CCDC198: variants seen among roughly 807,000 people sequenced by gnomAD.
CCDC198 encodes the protein factor associated with metabolism and energy.
Under a neutral mutation model 35.6 loss-of-function variants are expected in CCDC198, and 18 were observed. The ratio of observed to expected loss-of-function variants is 0.51; its 90% confidence interval spans 0.35 to 0.75. The LOEUF (loss-of-function observed/expected upper bound fraction) is 0.75, where lower values mean the gene tolerates loss of function less well. Ranked by LOEUF, CCDC198 falls within the 30% of genes least tolerant of loss-of-function variation. The pLI is 0.01. For synonymous variants in CCDC198, 119 were observed against 113.4 expected, an observed-to-expected ratio of 1.05 and a Z score of -0.31; for missense variants, 365 against 343.7, an observed-to-expected ratio of 1.06 and a Z score of -0.49.
chr14:57,489,703 T>C (rs2067496126), intron 2 of CCDC198, among the ~76,000 whole-genome samples: 1 of 152,122 alleles, frequency 6.6e-6, no homozygotes, highest in Non-Finnish European at 1.5e-5. Flanking sequence ...AATCAAAACC[T>C]AACCTCCTTT....
At chr14:57,485,561 A>G (rs897834632) in intron 2 of CCDC198, among the ~76,000 whole-genome samples, 3 of 152,308 alleles carry the variant, frequency 2.0e-5, no homozygotes. Context: ...ATAAAAAGAG[A>G]GAGTGGAACC....
At chr14:57,475,661 C>T (rs758626285) in intron 5 of CCDC198, 3 of 402,340 alleles carry the variant, frequency 7.5e-6, no homozygotes, top group South Asian at 3.5e-5. Context: ...GAGCCGAGAT[C>T]ATGCCATTGC....
intron 5 of CCDC198, among the ~76,000 whole-genome samples, chr14:57,473,569 T>G (rs2139461867): frequency 6.6e-6 from 1 of 152,342 alleles, no homozygotes; most frequent in African/African-American, 2.4e-5. Context: ...CATATCTGGC[T>G]GCTTCTCTCC....
In CCDC198 at chr14:57,471,184, A is replaced by C. The variant is rs2066807802; in HGVS notation, c.*171T>G. On this transcript the variant is annotated 3_prime_UTR_variant, in exon 6 of 6. Transcript: ENST00000216445. ...TTTTGAGGCATTTAGTTATGCAGCA[A>C]TAGTTAACAGCACATGTGACGGACT... 1 of 555,932 alleles carries C rather than the reference A, an allele frequency of 1.8e-6. No individual in the cohort carries two copies. The highest frequency in any genetic ancestry group is 3.1e-6 in the Non-Finnish European group (1 of 318,366). The allele number at this position is 555,932 out of a possible 1,614,324, so 34.4% of individuals were successfully genotyped here. A position where few individuals can be genotyped will look rare whatever the true frequency, so the allele number is the denominator to read the frequency against.
Position 57,493,684 on chromosome 14 carries a change from C to T in CCDC198, c.32G>A (p.Arg11Lys). 6.2e-7 allele frequency: 1 copy of T among 1,613,626 alleles called. No individual in the cohort carries two copies. Among genetic ancestry groups the T allele is most frequent in the Non-Finnish European group, 8.5e-7 (1 of 1,179,796 alleles). ...TTGCAAAGGTGCTACTTTGATCACC[C>T]TAAGGTGAGTCTTAGAGTGACTCAG... MGLSHSKTHL[R>K]VIKVAPLQNK... Residue 11 changes from arginine to lysine, a missense_variant, in exon 1 of 6, where the codon AGG (arginine) becomes AAG (lysine). Physicochemically the swap from Arg to Lys is conservative, Grantham distance 26. Transcript: ENST00000216445.
At chr14:57,481,447 G>A (rs1011927228) in intron 4 of CCDC198, 112 bp downstream of exon 4, 23 of 714,538 alleles carry the variant, frequency 3.2e-5, no homozygotes, top group South Asian at 2.2e-4. Context: ...CCTCAATGAC[G>A]AAATTTAAAA....
chr14:57,479,120 T>A, intron 5 of CCDC198: 2 of 969,706 alleles, frequency 2.1e-6, no homozygotes, highest in East Asian at 6.1e-5. Context: ...TTAGAAAGCA[T>A]AGAGCGATCT....
chr14:57,481,528 T>C, intron 4 of CCDC198, 31 bp downstream of exon 4: 1 of 1,461,080 alleles, frequency 6.8e-7, no homozygotes, highest in Non-Finnish European at 9.6e-7. Flanking sequence ...TGATGAAAAT[T>C]TGGTAAATAT....
intron 2 of CCDC198, among the ~76,000 whole-genome samples, chr14:57,484,812 G>A (rs1044545623): frequency 1.3e-5 from 2 of 152,200 alleles, no homozygotes; most frequent in African/African-American, 4.8e-5. Context: ...AAGCAAAGGA[G>A]TGACACGAGT....
chr14:57,475,409 C>T, intron 5 of CCDC198: 1 of 1,074,892 alleles, frequency 9.3e-7, no homozygotes, highest in Non-Finnish European at 1.1e-6. Context: ...CAAAGTGACA[C>T]ATCCCTGAAG....
chr14:57,474,995 C>T (rs960574288), intron 5 of CCDC198, among the ~76,000 whole-genome samples: 1 of 152,202 alleles, frequency 6.6e-6, no homozygotes, highest in Non-Finnish European at 1.5e-5. Flanking sequence ...GGCACAGTGG[C>T]TCACGCCTGT....
chr14:57,488,586 T>C (rs1418848360), intron 2 of CCDC198, among the ~76,000 whole-genome samples: 1 of 151,928 alleles, frequency 6.6e-6, no homozygotes, highest in Non-Finnish European at 1.5e-5. Flanking sequence ...ACATAGTCTT[T>C]GCAACCTACA....
intron 5 of CCDC198, chr14:57,475,536 G>A (rs1182650614): frequency 2.5e-5 from 17 of 691,788 alleles, no homozygotes; most frequent in Admixed American, 6.7e-5. Flanking sequence ...GTGAAACCTC[G>A]TCTCTACTAC....
Position 57,480,034 on chromosome 14 carries a change from C to T in CCDC198, c.655+561G>A, listed in dbSNP as rs557409591. Among the ~76,000 whole-genome samples the T allele has an allele frequency of 4.6e-5, 7 of 152,252 alleles. No individual in the cohort carries two copies. In the East Asian group the frequency reaches 7.7e-4, roughly 17 times the overall value. On this transcript the variant is annotated intron_variant, in intron 5 of 5. Transcript: ENST00000216445. ...GGTGATATCAGCAGGGCTTGGTGAC[C>T]GACCAGCTGTAGGGAGATAGGGAAG... is the stretch of plus-strand genomic sequence containing the variant.
chr14:57,479,952 G>A (rs2067128056), intron 5 of CCDC198, among the ~76,000 whole-genome samples: 1 of 152,170 alleles, frequency 6.6e-6, no homozygotes, highest in Admixed American at 6.5e-5. Flanking sequence ...CAGGACCAGG[G>A]CTATACCTAA....
chr14:57,471,854 T>C (rs2066831744), intron 5 of CCDC198, among the ~76,000 whole-genome samples: 1 of 151,518 alleles, frequency 6.6e-6, no homozygotes, highest in Non-Finnish European at 1.5e-5. Context: ...ATATACCCCA[T>C]CCATCAACAT....
chr14:57,490,161 G>C (rs144871475), intron 2 of CCDC198, among the ~76,000 whole-genome samples: 45 of 152,226 alleles, frequency 3.0e-4, no homozygotes, highest in Admixed American at 2.0e-3. Flanking sequence ...TGGGTGAATT[G>C]TGTAGCAGGT....
chr14:57,473,133 A>C (rs2066872698), intron 5 of CCDC198, among the ~76,000 whole-genome samples: 1 of 152,226 alleles, frequency 6.6e-6, no homozygotes, highest in Non-Finnish European at 1.5e-5. Context: ...GTGAGTTGGA[A>C]ACAAGCATTT....
At chr14:57,475,638 C>A in intron 5 of CCDC198, 1 of 391,654 alleles carries the variant, frequency 2.6e-6, no homozygotes, top group Non-Finnish European at 4.9e-6. Flanking sequence ...ACTTGGGAGG[C>A]GAAGTTTGCG....
Sources: gnomAD v4.1 joint callset for allele counts (sites outside exome capture counted in the v4.1 genomes callset) on GRCh38, gnomAD v4.1.1 for gene constraint, MANE v1.5 for transcripts, NCBI Gene and HGNC (gene_info 2026-07-23, HGNC 2026-07-21) for gene names.